The following GALNT14 variants were observed in gnomAD, a reference collection of about 807,000 sequenced individuals.
GALNT14 encodes the protein polypeptide N-acetylgalactosaminyltransferase 14.
GALNT14 carries 60 observed loss-of-function variants against 77.5 expected under a neutral mutation model. That is an observed-to-expected ratio of 0.77 (90% CI 0.63 to 0.96). The LOEUF (loss-of-function observed/expected upper bound fraction) is 0.96, where lower values mean the gene tolerates loss of function less well. Among genes scored for constraint, GALNT14 ranks in the 40% least tolerant of loss-of-function variants. GALNT14 has a pLI of 0.00. For missense variants in GALNT14, 710 were observed against 731.0 expected, an observed-to-expected ratio of 0.97 and a Z score of 0.33; for synonymous variants, 280 against 281.7, an observed-to-expected ratio of 0.99 and a Z score of 0.06.
At chr2:30,958,284 C>G (rs1573036538) in intron 4 of GALNT14, 113 bp downstream of exon 4, 2 of 869,818 alleles carry the variant, frequency 2.3e-6, no homozygotes, top group East Asian at 5.1e-5. Flanking sequence ...GTACCTATTA[C>G]AAACCTGGGC....
rs1235753250 is a variant in GALNT14 at position 31,002,419 on chromosome 2, G to C, written c.130-9412C>G. On this transcript the variant is annotated intron_variant, in intron 1 of 14. Transcript: ENST00000349752. ...CGCTCCAACCTGGGTGACAGAGTGA[G>C]ACTCCATTTCAAAAAAAAAAAAGTG... Among the ~76,000 whole-genome samples the C allele has an allele frequency of 2.0e-5, 3 of 148,700 alleles. No individual in the cohort carries two copies. The Admixed American group carries it at 2.1e-4, about 10-fold the overall frequency.
chr2:30,970,942 TGC>T (rs1423257846), intron 2 of GALNT14, among the ~76,000 whole-genome samples: 4 of 152,176 alleles, frequency 2.6e-5, no homozygotes, highest in Admixed American at 2.6e-4. Flanking sequence ...GTGGCACACC[TGC>T]TGAGTAACTG....
At chr2:31,137,904 G>A (rs1679299752) in intron 1 of GALNT14, 54 bp downstream of exon 1, 1 of 1,559,118 alleles carries the variant, frequency 6.4e-7, no homozygotes, top group East Asian at 2.4e-5. Context: ...CACGCGGGCT[G>A]CGCGCCCTCC....
At chr2:30,913,903 A>G (rs909860989) in intron 13 of GALNT14, among the ~76,000 whole-genome samples, 3 of 152,214 alleles carry the variant, frequency 2.0e-5, no homozygotes, top group Non-Finnish European at 2.9e-5. Context: ...GAAATTTTCT[A>G]TAATAAAAAG....
chr2:31,053,079 C>T (rs760387368), intron 1 of GALNT14, among the ~76,000 whole-genome samples: 1 of 152,126 alleles, frequency 6.6e-6, no homozygotes, highest in Non-Finnish European at 1.5e-5. Flanking sequence ...TGGCCCCACA[C>T]GAAAGCAGAG....
chr2:31,089,308 T>TA (rs1676610763), intron 1 of GALNT14, among the ~76,000 whole-genome samples: 1 of 152,182 alleles, frequency 6.6e-6, no homozygotes, highest in Non-Finnish European at 1.5e-5. Context: ...GGATCACGTT[T>TA]GCTTCTTTTG....
chr2:31,002,081 C>A (rs1342657804), intron 1 of GALNT14, among the ~76,000 whole-genome samples: 1 of 152,096 alleles, frequency 6.6e-6, no homozygotes, highest in Non-Finnish European at 1.5e-5. Flanking sequence ...TACCACTTCA[C>A]AGATGAAAAA....
chr2:31,049,603 G>C (rs957115996), intron 1 of GALNT14, among the ~76,000 whole-genome samples: 2 of 152,198 alleles, frequency 1.3e-5, no homozygotes, highest in African/African-American at 4.8e-5. Flanking sequence ...CAGAGGTTGG[G>C]GGAGATGTCA....
At chr2:30,930,469 G>A (rs1318496081) in intron 10 of GALNT14, among the ~76,000 whole-genome samples, 3 of 152,156 alleles carry the variant, frequency 2.0e-5, no homozygotes, top group Non-Finnish European at 2.9e-5. Flanking sequence ...CTGACCCCAC[G>A]AATCACAGAA....
At chr2:31,110,926 A>ACT (rs1677801225) in intron 1 of GALNT14, among the ~76,000 whole-genome samples, 3 of 152,010 alleles carry the variant, frequency 2.0e-5, no homozygotes, top group Admixed American at 6.6e-5. Context: ...GGGAACTTGA[A>ACT]CTCTAACTCC....
chr2:30,961,135 T>C (rs1667667830), intron 3 of GALNT14, among the ~76,000 whole-genome samples: 1 of 152,218 alleles, frequency 6.6e-6, no homozygotes, highest in Non-Finnish European at 1.5e-5. Flanking sequence ...CTGAACCAGA[T>C]AGATGTTGGT....
chr2:30,918,360 C>A (rs1457762972), intron 13 of GALNT14, among the ~76,000 whole-genome samples: 1 of 152,202 alleles, frequency 6.6e-6, no homozygotes, highest in African/African-American at 2.4e-5. Context: ...AGTTCCCTTG[C>A]ATGTAAAATG....
At chr2:31,104,073 T>C (rs1169120717) in intron 1 of GALNT14, among the ~76,000 whole-genome samples, 2 of 152,152 alleles carry the variant, frequency 1.3e-5, no homozygotes, top group African/African-American at 4.8e-5. Context: ...GTCTTCTGGG[T>C]ATTTGGAAGT....
chr2:31,039,673 T>C (rs1250742569), intron 1 of GALNT14, among the ~76,000 whole-genome samples: 1 of 136,036 alleles, frequency 7.4e-6, no homozygotes, highest in Non-Finnish European at 1.6e-5. Flanking sequence ...AGAATCCATA[T>C]TAGAAGATCT....
At chr2:31,028,278 G>A (rs1474247428) in intron 1 of GALNT14, among the ~76,000 whole-genome samples, 1 of 152,130 alleles carries the variant, frequency 6.6e-6, no homozygotes, top group Non-Finnish European at 1.5e-5. Context: ...TCCCTCCTCT[G>A]AGGTGATGAT....
intron 1 of GALNT14, among the ~76,000 whole-genome samples, chr2:31,089,305 G>A (rs79805874): frequency 0.035 from 5,392 of 152,228 alleles, 307 homozygotes; most frequent in African/African-American, 0.12. Flanking sequence ...TTCGGATCAC[G>A]TTTGCTTCTT....
rs190685627 is a variant in GALNT14, at chr2:31,038,342, C to T, written c.130-45335G>A. ...TGCCTGACCTCCAGTAATCCACCTGCCTCAGCCTCCCAAACTGCTAGGCTT... is the reference window on the plus strand; with the variant it reads ...TGCCTGACCTCCAGTAATCCACCTGTCTCAGCCTCCCAAACTGCTAGGCTT... On this transcript the variant is annotated intron_variant, in intron 1 of 14. Coordinates refer to ENST00000349752, the MANE Select transcript of GALNT14 (RefSeq NM_024572.4). Among the ~76,000 whole-genome samples the T allele has an allele frequency of 4.0e-3, 615 of 151,974 alleles. 8 individuals are homozygous for T. The highest frequency in any genetic ancestry group is 0.014 in the African/African-American group (595 of 41,402).
intron 1 of GALNT14, among the ~76,000 whole-genome samples, chr2:31,046,304 G>A (rs1673456383): frequency 6.7e-6 from 1 of 148,768 alleles, no homozygotes. Context: ...TCTGCTCACT[G>A]CAACCTCCAC....
chr2:31,036,507 GCTGT>G, intron 1 of GALNT14, among the ~76,000 whole-genome samples: 1 of 152,146 alleles, frequency 6.6e-6, no homozygotes, highest in South Asian at 2.1e-4. Context: ...GCTTTATGTG[GCTGT>G]CTTTTAAGTT....
Sources: gnomAD v4.1 joint callset for allele counts (sites outside exome capture counted in the v4.1 genomes callset) on GRCh38, gnomAD v4.1.1 for gene constraint, MANE v1.5 for transcripts, NCBI Gene and HGNC (gene_info 2026-07-23, HGNC 2026-07-21) for gene names.